Variants in MAPK14 observed in about 807,000 individuals in gnomAD.
MAPK14 encodes the protein mitogen-activated protein kinase 14.
In MAPK14, 16 loss-of-function variants were observed where a neutral mutation model predicts 49.6. The observed-to-expected ratio is 0.32, with a 90% CI of 0.22 to 0.49. MAPK14 has a LOEUF of 0.49. Ranked by LOEUF, MAPK14 falls within the 20% of genes least tolerant of loss-of-function variation. The pLI is 0.99. For missense variants in MAPK14, 200 were observed against 441.2 expected (o/e 0.45, Z 4.90); for synonymous variants, 142 against 158.0 (o/e 0.90, Z 0.76).
intron 1 of MAPK14, among the ~76,000 whole-genome samples, chr6:36,043,804 C>CTTTTTTTTT (rs796534477): frequency 1.0e-3 from 92 of 90,382 alleles, no homozygotes; most frequent in Non-Finnish European, 1.2e-3. Context: ...CTTTTTCTTT[C>CTTTTTTTTT]TTTTTTTTTT....
intron 1 of MAPK14, among the ~76,000 whole-genome samples, chr6:36,048,928 G>A (rs1353150138): frequency 6.6e-6 from 1 of 152,168 alleles, no homozygotes; most frequent in African/African-American, 2.4e-5. Flanking sequence ...GTGGGAGAGA[G>A]AAGAGGGCCC....
chr6:36,033,254 G>T (rs535873311), intron 1 of MAPK14, among the ~76,000 whole-genome samples: 2 of 151,732 alleles, frequency 1.3e-5, no homozygotes, highest in African/African-American at 4.8e-5. Flanking sequence ...TATAAAGATT[G>T]TTTTAAGAAA....
chr6:36,108,737 C>A lies in MAPK14; in HGVS notation c.*290C>A. Reference sequence around the variant, plus strand: ...CTTTCTGAGAGTTGGCTCAGGCAGACAAGAGCTGCTGTCCTTTTAGGAATA... The same window carrying A: ...CTTTCTGAGAGTTGGCTCAGGCAGAAAAGAGCTGCTGTCCTTTTAGGAATA... On this transcript the variant is annotated 3_prime_UTR_variant, in exon 12 of 12. Transcript: ENST00000229794. 1 of 425,190 alleles carries A rather than the reference C, an allele frequency of 2.4e-6. No individual in the cohort carries two copies. The highest frequency in any genetic ancestry group is 4.3e-6 in the Non-Finnish European group (1 of 230,752). 26.3% of individuals were successfully genotyped at this position (425,190 alleles called of 1,614,324 possible).
At chr6:36,099,062 C>T (rs1447348693) in intron 9 of MAPK14, among the ~76,000 whole-genome samples, 1 of 152,200 alleles carries the variant, frequency 6.6e-6, no homozygotes, top group African/African-American at 2.4e-5. Context: ...AAACAGATTA[C>T]TGCTAAGTCA....
At chr6:36,040,131 A>C (rs1762908323) in intron 1 of MAPK14, among the ~76,000 whole-genome samples, 1 of 152,140 alleles carries the variant, frequency 6.6e-6, no homozygotes, top group African/African-American at 2.4e-5. Context: ...GGGATACTCA[A>C]CCTGTATAAC....
chr6:36,058,882 CT>C (rs70975128), intron 2 of MAPK14, among the ~76,000 whole-genome samples: 90,913 of 128,264 alleles, frequency 0.71, 31,679 homozygotes, highest in South Asian at 0.84. Context: ...GATCCTGACT[CT>C]TTTTTTTTTT....
intron 6 of MAPK14, among the ~76,000 whole-genome samples, chr6:36,075,363 C>T (rs1188085124): frequency 6.6e-6 from 1 of 151,758 alleles, no homozygotes; most frequent in East Asian, 1.9e-4. Context: ...TCTGGAGTTT[C>T]ATGTAAATGG....
In MAPK14 at chr6:36,074,041, C is replaced by G; in HGVS notation, c.448-8C>G. The G allele has an allele frequency of 6.2e-7, 1 of 1,608,448 alleles. No homozygotes were observed. Among genetic ancestry groups the G allele is most frequent in the Non-Finnish European group, 8.5e-7 (1 of 1,175,052 alleles). On this transcript the variant is annotated splice_polypyrimidine_tract_variant and splice_region_variant and intron_variant, in intron 5 of 11. Transcript: ENST00000229794. Reference sequence around the variant, plus strand: ...GTTGATCCTGTCTTCCCTGTATTTGCTTCCTAGGACCTAAAACCTAGTAAT... The same window carrying G: ...GTTGATCCTGTCTTCCCTGTATTTGGTTCCTAGGACCTAAAACCTAGTAAT...
At chr6:36,113,563 G>A (rs7764494), downstream of MAPK14, among the ~76,000 whole-genome samples, 24,674 of 152,024 alleles carry the variant, frequency 0.16, 2,732 homozygotes, top group African/African-American at 0.32. Flanking sequence ...GTGGCAAACT[G>A]TAGTATCCTA....
Position 36,107,647 on chromosome 6 carries a change from A to G in MAPK14, c.1015+19A>G. ...TGGAAAAGTAAGTCCTAAGGGTAGG[A>G]TTAACATCTTGAACCACTAACCAAA... is the stretch of plus-strand genomic sequence containing the variant. On this transcript the variant is annotated intron_variant, in intron 11 of 11. Transcript: ENST00000229794. This position sits in a 1 kb window ranked among gnomAD's most constrained non-coding sequence, Gnocchi z 4.3. 1 of 1,522,140 alleles carries G rather than the reference A, an allele frequency of 6.6e-7. No homozygotes were observed. The highest frequency in any genetic ancestry group is 8.8e-7 in the Non-Finnish European group (1 of 1,133,744). 94.3% of individuals were successfully genotyped at this position (1,522,140 alleles called of 1,614,324 possible).
At chr6:36,103,784 C>T (rs1765714046) in intron 10 of MAPK14, among the ~76,000 whole-genome samples, 1 of 152,150 alleles carries the variant, frequency 6.6e-6, no homozygotes, top group East Asian at 1.9e-4. Flanking sequence ...CAGGACCTCC[C>T]TACAATAGGG....
chr6:36,107,124 C>T lies in MAPK14; in HGVS notation c.842-331C>T, dbSNP rs1000904106. Among the ~76,000 whole-genome samples the T allele has an allele frequency of 2.0e-5, 3 of 152,118 alleles. No homozygotes were observed. The highest frequency in any genetic ancestry group is 1.9e-4 in the East Asian group (1 of 5,202). Reference sequence around the variant, plus strand: ...GGGTGAGGGTTGAGAGATAACCTATCGGGTACAATGTTCACTATTTGGTTA... The same window carrying T: ...GGGTGAGGGTTGAGAGATAACCTATTGGGTACAATGTTCACTATTTGGTTA... On this transcript the variant is annotated intron_variant, in intron 10 of 11. Transcript: ENST00000229794. The surrounding 1 kb of genome is among the most constrained non-coding windows in gnomAD (Gnocchi z 4.3).
intron 2 of MAPK14, among the ~76,000 whole-genome samples, chr6:36,054,239 C>T (rs1334362789): frequency 6.6e-6 from 1 of 152,080 alleles, no homozygotes; most frequent in Non-Finnish European, 1.5e-5. Context: ...CACAGCTTTG[C>T]AAGTATAAAG....
At chr6:36,095,485 T>G (rs1009757989) in intron 8 of MAPK14, among the ~76,000 whole-genome samples, 1 of 152,128 alleles carries the variant, frequency 6.6e-6, no homozygotes, top group African/African-American at 2.4e-5. Flanking sequence ...TATCACAAGC[T>G]CTTTAGGTCA....
At chr6:36,057,091 T>C (rs1581761787) in intron 2 of MAPK14, among the ~76,000 whole-genome samples, 1 of 152,364 alleles carries the variant, frequency 6.6e-6, no homozygotes, top group East Asian at 1.9e-4. Context: ...CTTAAATATA[T>C]TGGTGTCCTT....
chr6:36,081,211 C>T (rs1764746947), intron 8 of MAPK14, among the ~76,000 whole-genome samples: 1 of 151,876 alleles, frequency 6.6e-6, no homozygotes, highest in Non-Finnish European at 1.5e-5. Flanking sequence ...CTTGCTCATG[C>T]TTTTTTGATG....
intron 8 of MAPK14, among the ~76,000 whole-genome samples, chr6:36,089,978 CAAGTG>C (rs1161458892): frequency 3.9e-5 from 6 of 152,178 alleles, no homozygotes; most frequent in Admixed American, 6.5e-5. Flanking sequence ...TCTCCATAAT[CAAGTG>C]AATTTCCTTA....
chr6:36,076,018 G>A, intron 7 of MAPK14, 56 bp downstream of exon 7: 1 of 1,569,046 alleles, frequency 6.4e-7, no homozygotes, highest in Non-Finnish European at 8.7e-7. Context: ...GGATGCATTT[G>A]GGATTCTCAG....
At chr6:36,102,743 A>G (rs780752728) in intron 10 of MAPK14, 94 bp downstream of exon 10, 1 of 1,585,374 alleles carries the variant, frequency 6.3e-7, no homozygotes, top group Non-Finnish European at 8.6e-7. Context: ...TGACCAAATA[A>G]AGTACCATTA....
Sources: allele counts gnomAD v4.1 joint callset (sites outside exome capture counted in the v4.1 genomes callset), GRCh38; gene constraint gnomAD v4.1.1; non-coding constraint Gnocchi (gnomAD v3.1); transcripts MANE v1.5; gene names NCBI Gene and HGNC (gene_info 2026-07-23, HGNC 2026-07-21).